CERS4: variants seen among roughly 807,000 people sequenced by gnomAD.
The protein encoded by CERS4 is ceramide synthase 4.
In CERS4, 65 loss-of-function variants were observed where a neutral mutation model predicts 51.8. That is an observed-to-expected ratio of 1.26 (90% CI 1.03 to 1.54). The LOEUF is 1.54. Ranked by LOEUF, CERS4 falls within the 40% of genes most tolerant of loss-of-function variation. CERS4 has a pLI of 0.00. For missense variants in CERS4, 563 were observed against 500.4 expected (o/e 1.13, Z -1.19); for synonymous variants, 228 against 208.4 (o/e 1.09, Z -0.81).
At position 8,257,950 on chromosome 19, in the gene CERS4, C is replaced by T. The variant is rs1304470938; in HGVS notation, c.813C>T (p.Val271=). ...CTCTCTTCCTCATCTTCTCCTTTGT[C>T]TTCTTCTACACCCGACTGGTCCTCT... is the stretch of plus-strand genomic sequence containing the variant. The part of the protein sequence containing the change: ...CDALFLIFSF[V]FFYTRLVLFP... The change falls in exon 10 of 12, where the codon GTC becomes GTT. Residue 271 remains valine (V), a synonymous_variant. Coordinates refer to ENST00000251363, the MANE Select transcript of CERS4 (RefSeq NM_024552.3). The T allele has an allele frequency of 3.7e-6, 6 of 1,613,712 alleles. No homozygotes were observed. The highest frequency in any genetic ancestry group is 5.1e-6 in the Non-Finnish European group (6 of 1,179,708).
chr19:8,254,880 C>CA (rs1049133670), intron 4 of CERS4, among the ~76,000 whole-genome samples: 1 of 152,092 alleles, frequency 6.6e-6, no homozygotes, highest in Non-Finnish European at 1.5e-5. Context: ...TGAGGACCCC[C>CA]CCCTTCCCAG....
At chr19:8,233,491 G>C (rs1236655253) in intron 2 of CERS4, among the ~76,000 whole-genome samples, 1 of 151,566 alleles carries the variant, frequency 6.6e-6, no homozygotes, top group East Asian at 2.0e-4. Flanking sequence ...TTTATATTTA[G>C]CTCAGTGTTT....
At chr19:8,238,600 G>A (rs536721231) in intron 2 of CERS4, 1 of 985,342 alleles carries the variant, frequency 1.0e-6, no homozygotes, top group South Asian at 4.7e-5. Flanking sequence ...TCCCACAGCA[G>A]GCACCAGGCC....
At chr19:8,224,643 G>A (rs1209583634) in intron 2 of CERS4, among the ~76,000 whole-genome samples, 2 of 152,166 alleles carry the variant, frequency 1.3e-5, no homozygotes, top group Non-Finnish European at 2.9e-5. Flanking sequence ...ACCGTGCCAG[G>A]CCAGTGGGAG....
intron 2 of CERS4, among the ~76,000 whole-genome samples, chr19:8,241,014 TG>T (rs1180515499): frequency 7.5e-6 from 1 of 133,932 alleles, no homozygotes; most frequent in Non-Finnish European, 1.6e-5. Context: ...TGGGGGCGGG[TG>T]GGGTGAGGGG....
At chr19:8,251,286 A>ATGTGT in intron 3 of CERS4, 37 bp downstream of exon 3, 1 of 1,540,416 alleles carries the variant, frequency 6.5e-7, no homozygotes, top group Non-Finnish European at 8.7e-7. Context: ...TTGCCCCCGC[A>ATGTGT]GTCGCTCCAG....
At chr19:8,253,880 C>T (rs973705684) in intron 3 of CERS4, among the ~76,000 whole-genome samples, 5 of 152,036 alleles carry the variant, frequency 3.3e-5, no homozygotes, top group African/African-American at 4.8e-5. Flanking sequence ...GAGTCAGCTG[C>T]CTTTCTTATG....
At chr19:8,238,633 G>C (rs1968378364) in intron 2 of CERS4, 6 of 965,852 alleles carry the variant, frequency 6.2e-6, no homozygotes, top group Non-Finnish European at 7.4e-6. Context: ...GCACCTGCTG[G>C]GGGATCCTCA....
intron 2 of CERS4, among the ~76,000 whole-genome samples, chr19:8,233,734 C>T (rs2927722): frequency 0.46 from 69,374 of 151,682 alleles, 16,021 homozygotes; most frequent in Non-Finnish European, 0.48. Context: ...ATTGTGGGGC[C>T]GGGCGCGGTG....
intron 2 of CERS4, among the ~76,000 whole-genome samples, chr19:8,237,002 C>CAAAAAAAAAAA (rs781273995): frequency 2.2e-5 from 1 of 44,966 alleles, no homozygotes; most frequent in East Asian, 8.5e-4. Flanking sequence ...GACTCTGTCT[C>CAAAAAAAAAAA]AAAAAAAAAA....
At chr19:8,232,209 T>C (rs1185283778) in intron 2 of CERS4, among the ~76,000 whole-genome samples, 1 of 152,114 alleles carries the variant, frequency 6.6e-6, no homozygotes, top group African/African-American at 2.4e-5. Flanking sequence ...TGCCATTTCT[T>C]TCTTCCATTT....
intron 2 of CERS4, chr19:8,238,404 C>A (rs1475839972): frequency 1.7e-6 from 1 of 577,176 alleles, no homozygotes; most frequent in Non-Finnish European, 2.2e-6. Context: ...GGAACTGGCC[C>A]AGGGAAGAGG....
At chr19:8,212,600 A>G (rs1038070727) in intron 2 of CERS4, among the ~76,000 whole-genome samples, 5 of 152,022 alleles carry the variant, frequency 3.3e-5, no homozygotes, top group African/African-American at 9.7e-5. Flanking sequence ...CCCCTGTTTG[A>G]TAATTCAGTA....
intron 6 of CERS4, 133 bp downstream of exon 6, chr19:8,256,012 ATGG>A (rs1969361159): frequency 6.7e-6 from 7 of 1,042,924 alleles, no homozygotes; most frequent in Non-Finnish European, 7.1e-6. Context: ...GCTTTGCAAG[ATGG>A]TGGTGAATGT....
At chr19:8,227,366 CTG>C (rs1195210569) in intron 2 of CERS4, among the ~76,000 whole-genome samples, 2 of 152,036 alleles carry the variant, frequency 1.3e-5, no homozygotes, top group Non-Finnish European at 2.9e-5. Flanking sequence ...GAGTCTCACT[CTG>C]TCACCCAGGC....
chr19:8,211,840 C>T (rs1001973853), intron 2 of CERS4, among the ~76,000 whole-genome samples: 39 of 145,792 alleles, frequency 2.7e-4, no homozygotes, highest in African/African-American at 8.7e-4. Flanking sequence ...TGCAGTGAGC[C>T]GAGATCGCGC....
chr19:8,230,153 A>G lies in CERS4; in HGVS notation c.-2+19291A>G, dbSNP rs1967949928. 2.0e-5 allele frequency among the ~76,000 whole-genome samples: 3 copies of G among 151,918 alleles called. 1 individual carries two copies. Among genetic ancestry groups the G allele is most frequent in the Middle Eastern group, 6.8e-3 (2 of 292 alleles). On this transcript the variant is annotated intron_variant, in intron 2 of 11. Coordinates refer to ENST00000251363, the MANE Select transcript of CERS4 (RefSeq NM_024552.3). ...CCCATTCTCTTTCCTTTCTCCTTCT[A>G]GTACTCCCATTGCATGCAAGTTAGA...
intron 3 of CERS4, among the ~76,000 whole-genome samples, chr19:8,251,920 TAAAA>T (rs1175196545): frequency 6.6e-6 from 1 of 151,600 alleles, no homozygotes; most frequent in Non-Finnish European, 1.5e-5. Context: ...TTTTAGCCCT[TAAAA>T]AAAATTTTTT....
intron 8 of CERS4, 104 bp from the exon 9 acceptor site, chr19:8,256,845 A>G (rs1568538115): frequency 6.3e-7 from 1 of 1,593,246 alleles, no homozygotes; most frequent in Non-Finnish European, 8.5e-7. Context: ...CCATGGGCCC[A>G]GAGGCCACAC....
Sources: allele counts gnomAD v4.1 joint callset (sites outside exome capture counted in the v4.1 genomes callset), GRCh38; gene constraint gnomAD v4.1.1; transcripts MANE v1.5; gene names NCBI Gene and HGNC (gene_info 2026-07-23, HGNC 2026-07-21).